Variants in VPS53 observed in about 807,000 individuals in gnomAD.
VPS53 encodes vacuolar protein sorting-associated protein 53 homolog.
A neutral mutation model predicts 107.0 loss-of-function variants in VPS53; 70 were observed. The observed-to-expected ratio is 0.65, with a 90% CI of 0.54 to 0.80. The LOEUF is 0.80. Ranked by LOEUF, VPS53 falls within the 30% of genes least tolerant of loss-of-function variation. VPS53 has a pLI of 0.00. For missense variants in VPS53, 917 were observed against 1,049.4 expected (o/e 0.87, Z 1.74); for synonymous variants, 409 against 393.3 (o/e 1.04, Z -0.47).
intron 18 of VPS53, 133 bp downstream of exon 18, chr17:536,895 T>C (rs1910118730): frequency 5.3e-6 from 6 of 1,139,462 alleles, no homozygotes; most frequent in Admixed American, 2.5e-5. Flanking sequence ...AGACTGTGCA[T>C]GTTGGGGGGG....
rs760789144 is a variant in VPS53 at position 710,502 on chromosome 17, T to G, written c.168+31A>C. The G allele has an allele frequency of 3.8e-6, 6 of 1,575,244 alleles. No homozygotes were observed. In the South Asian group the frequency reaches 6.7e-5, roughly 17 times the overall value. ...ACACCCAAGATGTGCCAAAAGCTGCTGAAAGGAAGGAAACCTGAAACTCTA... is the reference window on the plus strand; with the variant it reads ...ACACCCAAGATGTGCCAAAAGCTGCGGAAAGGAAGGAAACCTGAAACTCTA... On this transcript the variant is annotated intron_variant, in intron 2 of 21. Coordinates refer to ENST00000437048, the MANE Select transcript of VPS53 (RefSeq NM_001128159.3).
chr17:635,422 TG>T (rs1287028589), intron 7 of VPS53, among the ~76,000 whole-genome samples: 5 of 152,260 alleles, frequency 3.3e-5, no homozygotes, highest in African/African-American at 1.2e-4. Context: ...TTGTCAATTT[TG>T]GCTTTTGTTG....
rs376856162 is a variant in VPS53, at chr17:516,422, A to G, written c.*2706T>C. ...TCACTCTGTCGCCAGGCTGGAGTGC[A>G]GTGGCGTGATCTCGGCTCACTGCAA... On this transcript the variant is annotated 3_prime_UTR_variant, in exon 22 of 22. Transcript: ENST00000437048. The G allele has an allele frequency of 6.6e-6, 1 of 152,142 alleles. No individual in the cohort carries two copies. The highest frequency in any genetic ancestry group is 1.9e-4 in the East Asian group (1 of 5,172). 9.4% of individuals were successfully genotyped at this position (152,142 alleles called of 1,614,324 possible).
chr17:688,658 C>G (rs914935598), intron 4 of VPS53, among the ~76,000 whole-genome samples: 4 of 152,172 alleles, frequency 2.6e-5, no homozygotes, highest in African/African-American at 9.7e-5. Context: ...TCAACTACAA[C>G]CAGTAGCACT....
chr17:681,120 GT>G (rs1288340004), intron 4 of VPS53, among the ~76,000 whole-genome samples: 1 of 151,960 alleles, frequency 6.6e-6, no homozygotes, highest in East Asian at 1.9e-4. Flanking sequence ...AAACAAAGTT[GT>G]TTTTTTGTTT....
At chr17:636,607 T>C (rs1206330438) in intron 7 of VPS53, among the ~76,000 whole-genome samples, 1 of 152,244 alleles carries the variant, frequency 6.6e-6, no homozygotes, top group African/African-American at 2.4e-5. Context: ...GCCTAATTTA[T>C]TGAGAGTTTT....
chr17:702,486 A>AC, intron 2 of VPS53, among the ~76,000 whole-genome samples: 1 of 151,638 alleles, frequency 6.6e-6, no homozygotes, highest in South Asian at 2.1e-4. Context: ...ATATGGTGAA[A>AC]CCCCGTCTCT....
chr17:705,029 G>A (rs368119378), intron 2 of VPS53, among the ~76,000 whole-genome samples: 2 of 152,062 alleles, frequency 1.3e-5, no homozygotes, highest in East Asian at 3.8e-4. Flanking sequence ...TTAAAAATCA[G>A]TATATCCATT....
At chr17:572,323 G>A (rs1914209541) in intron 13 of VPS53, among the ~76,000 whole-genome samples, 1 of 151,654 alleles carries the variant, frequency 6.6e-6, no homozygotes, top group Admixed American at 6.6e-5. Context: ...CCCCGTCTGA[G>A]AAGTGAGGAG....
chr17:587,393 A>G (rs191690231), intron 12 of VPS53, among the ~76,000 whole-genome samples: 2 of 152,370 alleles, frequency 1.3e-5, no homozygotes, highest in African/African-American at 2.4e-5. Flanking sequence ...CCCAAATTTT[A>G]TAAGAATAAA....
chr17:616,596 G>C (rs1346688073), intron 11 of VPS53: 3 of 152,338 alleles, frequency 2.0e-5, no homozygotes, highest in African/African-American at 7.2e-5. Flanking sequence ...GGCCGAGTGA[G>C]TTCAGGCAGA....
chr17:572,540 T>C (rs12938729), intron 13 of VPS53, among the ~76,000 whole-genome samples: 73,727 of 151,006 alleles, frequency 0.49, 19,154 homozygotes, highest in African/African-American at 0.66. Flanking sequence ...CCCAAGAGCT[T>C]ATTGAGAACG....
At chr17:713,882 A>C (rs201264643) in intron 1 of VPS53, among the ~76,000 whole-genome samples, 61 of 96,568 alleles carry the variant, frequency 6.3e-4, no homozygotes, top group Middle Eastern at 6.1e-3. Context: ...CTTTACCCCA[A>C]AAAAAAAAAA....
rs983473532 is a variant in VPS53, at chr17:650,565, G to A, written c.608+2726C>T. Among the ~76,000 whole-genome samples, 88 of 152,208 alleles carry A rather than the reference G, an allele frequency of 5.8e-4. 1 individual carries two copies. The highest frequency in any genetic ancestry group is 2.0e-3 in the African/African-American group (84 of 41,518). ...ATGAAAATTAAAGGAACCGGATACC[G>A]TTTTCAACCATAAGATAGATAAAAA... On this transcript the variant is annotated intron_variant, in intron 7 of 21. Coordinates refer to ENST00000437048, the MANE Select transcript of VPS53 (RefSeq NM_001128159.3).
At chr17:674,947 C>T (rs1040158958) in intron 4 of VPS53, 12 of 152,028 alleles carry the variant, frequency 7.9e-5, no homozygotes, top group Admixed American at 7.9e-4. Context: ...ACATGTGAAT[C>T]GAGTAAATCA....
rs796150230 is a variant in VPS53, at chr17:599,778, AAAAC to A, written c.1218+2013_1218+2016del. Among the ~76,000 whole-genome samples the A allele has an allele frequency of 4.2e-3, 617 of 147,822 alleles. 6 individuals are homozygous for A. The highest frequency in any genetic ancestry group is 0.038 in the East Asian group (176 of 4,598). On this transcript the variant is annotated intron_variant, in intron 12 of 21. Transcript: ENST00000437048. ...AATAAATAAATTAAAAAAAAAAACAAAAACAAAATGACTTGCGATAAAACTGCTC... is the reference window on the plus strand; with the variant it reads ...AATAAATAAATTAAAAAAAAAAACAAAAAATGACTTGCGATAAAACTGCTC...
chr17:706,298 G>C (rs1434246748), intron 2 of VPS53, among the ~76,000 whole-genome samples: 2 of 152,092 alleles, frequency 1.3e-5, no homozygotes, highest in African/African-American at 4.8e-5. Flanking sequence ...CAGCACTTTG[G>C]GAGGTCAAGG....
chr17:625,448 G>C (rs1487835861), intron 10 of VPS53, among the ~76,000 whole-genome samples: 1 of 149,940 alleles, frequency 6.7e-6, no homozygotes, highest in Non-Finnish European at 1.5e-5. Flanking sequence ...ACTCCAGCCT[G>C]GGCAACACTG....
At chr17:525,953 C>T (rs956975244) in intron 19 of VPS53, among the ~76,000 whole-genome samples, 3 of 142,328 alleles carry the variant, frequency 2.1e-5, no homozygotes, top group Non-Finnish European at 4.5e-5. Flanking sequence ...GCCGAGATCG[C>T]GCCATTGTAC....
Sources: allele counts gnomAD v4.1 joint callset (sites outside exome capture counted in the v4.1 genomes callset), GRCh38; gene constraint gnomAD v4.1.1; transcripts MANE v1.5; gene names NCBI Gene and HGNC (gene_info 2026-07-23, HGNC 2026-07-21).